The following GCNT4 variants were observed in gnomAD, a reference collection of about 807,000 sequenced individuals.
GCNT4 encodes beta-1,3-galactosyl-O-glycosyl-glycoprotein beta-1,6-N-acetylglucosaminyltransferase 4.
In GCNT4, 17 loss-of-function variants were observed where a neutral mutation model predicts 31.3. That is an observed-to-expected ratio of 0.54 (90% CI 0.37 to 0.81). The LOEUF (loss-of-function observed/expected upper bound fraction) is 0.81, where lower values mean the gene tolerates loss of function less well. Ranked by LOEUF, GCNT4 falls within the 40% of genes least tolerant of loss-of-function variation. The probability of loss-of-function intolerance (pLI) is 0.00; values close to 1 mark genes in which losing one functional copy is unlikely to be tolerated. For synonymous variants in GCNT4, 158 were observed against 190.6 expected, an observed-to-expected ratio of 0.83 and a Z score of 1.41; for missense variants, 503 against 525.5, an observed-to-expected ratio of 0.96 and a Z score of 0.42.
rs1206130701 is a variant in GCNT4, at chr5:75,029,476, T to C, written c.562A>G (p.Ile188Val). The C allele has an allele frequency of 9.3e-6, 15 of 1,614,080 alleles. No homozygotes were observed. Among genetic ancestry groups the C allele is most frequent in the Non-Finnish European group, 1.1e-5 (13 of 1,180,016 alleles). The part of the protein sequence containing the change: ...NLAKCFSNIF[I>V]ASKLEAVEYA... ...TCCACAGCCTCTAATTTGGAAGCAA[T>C]GAAAATATTGGAGAAGCACTTAGCT... Residue 188 changes from isoleucine to valine, a missense_variant, in exon 4 of 4, where the codon ATT becomes GTT. Transcript: ENST00000652361.
At chr5:75,022,110 T>C (rs1348889769), downstream of GCNT4, among the ~76,000 whole-genome samples, 9 of 152,216 alleles carry the variant, frequency 5.9e-5, no homozygotes, top group Non-Finnish European at 1.2e-4. Flanking sequence ...CTTTGTTTTA[T>C]AGAATTACAC....
rs1467862332 is a variant in GCNT4 at position 75,027,094 on chromosome 5, G to A, written c.*1582C>T. The A allele has an allele frequency of 6.6e-6, 1 of 150,920 alleles. No homozygotes were observed. The highest frequency in any genetic ancestry group is 2.4e-5 in the African/African-American group (1 of 41,022). 9.3% of individuals were successfully genotyped at this position (150,920 alleles called of 1,614,324 possible). A position where few individuals can be genotyped will look rare whatever the true frequency, so the allele number is the denominator to read the frequency against. The stretch of plus-strand genomic sequence containing the variant: ...CTACATCTTTAAATATAATATCTGA[G>A]GCTACATTTTTATTTACTGAGGCTG... On this transcript the variant is annotated 3_prime_UTR_variant, in exon 4 of 4. Coordinates refer to ENST00000652361, the MANE Select transcript of GCNT4 (RefSeq NM_001366737.1).
At chr5:75,023,744 G>A (rs571804955), downstream of GCNT4, 1 of 152,250 alleles carries the variant, frequency 6.6e-6, no homozygotes, top group East Asian at 1.9e-4. Context: ...ATGAATATAC[G>A]TGGTTTCTGT....
intron 2 of GCNT4, among the ~76,000 whole-genome samples, chr5:75,051,638 G>A (rs1743570900): frequency 6.6e-6 from 1 of 152,108 alleles, no homozygotes; most frequent in African/African-American, 2.4e-5. Context: ...AGTCAGTTTG[G>A]GAAGCACCTG....
rs750975281 is a variant in GCNT4, at chr5:75,029,779, T to G, written c.259A>C (p.Ser87Arg). Residue 87 changes from serine to arginine, a missense_variant, in exon 4 of 4, where the codon AGT (serine) becomes CGT (arginine). Physicochemically the swap from Ser to Arg is moderately radical, Grantham distance 110. Coordinates refer to ENST00000652361, the MANE Select transcript of GCNT4 (RefSeq NM_001366737.1). ...ATGTCCCTTCTTCTTATTTCCAGAC[T>G]CTTTCCAATTTCCAAAGGCTCCTGT... Reference protein sequence around the residue: ...YEQEPLEIGKSLEIRRRDIID... With the variant: ...YEQEPLEIGKRLEIRRRDIID... 14 of 1,614,156 alleles carry G rather than the reference T, an allele frequency of 8.7e-6. No individual in the cohort carries two copies. The highest frequency in any genetic ancestry group is 1.2e-5 in the Non-Finnish European group (14 of 1,180,010).
chr5:75,046,404 C>G (rs180859218), intron 3 of GCNT4, among the ~76,000 whole-genome samples: 1 of 152,086 alleles, frequency 6.6e-6, no homozygotes, highest in East Asian at 1.9e-4. Flanking sequence ...AAAAAAGGAG[C>G]CTTGGCAACC....
At chr5:75,036,166 A>AAC (rs1554062521) in intron 3 of GCNT4, among the ~76,000 whole-genome samples, 4 of 152,100 alleles carry the variant, frequency 2.6e-5, no homozygotes, top group Middle Eastern at 3.4e-3. Flanking sequence ...AAAAAAAAAA[A>AAC]ACCTGTGTAT....
At chr5:75,032,622 C>G (rs1743090050) in intron 3 of GCNT4, among the ~76,000 whole-genome samples, 1 of 152,234 alleles carries the variant, frequency 6.6e-6, no homozygotes, top group African/African-American at 2.4e-5. Flanking sequence ...GGTTAAGAGA[C>G]TCCTGGTCAG....
intron 2 of GCNT4, among the ~76,000 whole-genome samples, chr5:75,048,319 C>A (rs1210798654): frequency 6.6e-6 from 1 of 152,050 alleles, no homozygotes; most frequent in East Asian, 1.9e-4. Context: ...AGCAGATTAC[C>A]TGGATCTAGT....
intron 3 of GCNT4, among the ~76,000 whole-genome samples, chr5:75,035,501 G>A (rs909167152): frequency 2.0e-5 from 3 of 152,198 alleles, no homozygotes; most frequent in Non-Finnish European, 4.4e-5. Flanking sequence ...GTCCCTGGAC[G>A]AACTCTTAGT....
At chr5:75,033,669 A>T (rs544336032) in intron 3 of GCNT4, among the ~76,000 whole-genome samples, 2,696 of 146,804 alleles carry the variant, frequency 0.018, 51 homozygotes, top group Non-Finnish European at 0.028. Context: ...TTATTTATTT[A>T]TTTATTTTTT....
At chr5:75,044,761 G>T (rs1198722119) in intron 3 of GCNT4, among the ~76,000 whole-genome samples, 2 of 152,026 alleles carry the variant, frequency 1.3e-5, no homozygotes, top group Non-Finnish European at 2.9e-5. Flanking sequence ...CACATCAAAG[G>T]CCTCCACGCT....
chr5:75,032,809 C>T (rs1262839222), intron 3 of GCNT4, among the ~76,000 whole-genome samples: 2 of 150,538 alleles, frequency 1.3e-5, no homozygotes, highest in East Asian at 3.9e-4. Flanking sequence ...ACTCCAGAAG[C>T]CTGGGCACAT....
chr5:75,021,217 C>T (rs1013241061), downstream of GCNT4, among the ~76,000 whole-genome samples: 29 of 152,158 alleles, frequency 1.9e-4, no homozygotes, highest in African/African-American at 6.8e-4. Context: ...TTCGCTGATA[C>T]AAACTTGTCC....
Position 75,043,767 on chromosome 5 carries a change from G to A in GCNT4, c.-2+4130C>T, listed in dbSNP as rs546966267. On this transcript the variant is annotated intron_variant, in intron 3 of 3. Coordinates refer to ENST00000652361, the MANE Select transcript of GCNT4 (RefSeq NM_001366737.1). ...GCAACGTGCACTTTGAAAGATGACC[G>A]TAGGAAAAGGAAATGCTTAACCAAC... Among the ~76,000 whole-genome samples, 14 of 152,284 alleles carry A rather than the reference G, an allele frequency of 9.2e-5. 1 individual carries two copies. Among genetic ancestry groups the A allele is most frequent in the African/African-American group, 2.4e-4 (10 of 41,550 alleles).
chr5:75,034,500 C>T (rs1743154277), intron 3 of GCNT4, among the ~76,000 whole-genome samples: 2 of 152,208 alleles, frequency 1.3e-5, no homozygotes, highest in Admixed American at 1.3e-4. Flanking sequence ...AGCACTGCAC[C>T]CAGCACTTTC....
At chr5:75,047,696 C>T (rs1580247394) in intron 3 of GCNT4, 2 of 152,100 alleles carry the variant, frequency 1.3e-5, no homozygotes, top group East Asian at 3.9e-4. Flanking sequence ...CATGTATGAG[C>T]AACATTTTAG....
In GCNT4 at chr5:75,027,730, G is replaced by C. The variant is rs770043063; in HGVS notation, c.*946C>G. 1.3e-5 allele frequency: 2 copies of C among 152,426 alleles called. No individual in the cohort carries two copies. The highest frequency in any genetic ancestry group is 2.9e-5 in the Non-Finnish European group (2 of 68,006). 9.4% of individuals were successfully genotyped at this position (152,426 alleles called of 1,614,324 possible). A position where few individuals can be genotyped will look rare whatever the true frequency, so the allele number is the denominator to read the frequency against. ...AAGAAAGTTTAGTGACTCTTAGCTTGATAGTTCCATACAACAGAATTATAA... is the reference window on the plus strand; with the variant it reads ...AAGAAAGTTTAGTGACTCTTAGCTTCATAGTTCCATACAACAGAATTATAA... On this transcript the variant is annotated 3_prime_UTR_variant, in exon 4 of 4. Transcript: ENST00000652361.
At chr5:75,039,337 AC>A (rs1416710179) in intron 3 of GCNT4, among the ~76,000 whole-genome samples, 2 of 151,966 alleles carry the variant, frequency 1.3e-5, no homozygotes, top group African/African-American at 4.8e-5. Context: ...CAGGTGATCC[AC>A]TTGCCTCGGC....
Sources: gnomAD v4.1 joint callset for allele counts (sites outside exome capture counted in the v4.1 genomes callset) on GRCh38, gnomAD v4.1.1 for gene constraint, MANE v1.5 for transcripts, NCBI Gene and HGNC (gene_info 2026-07-23, HGNC 2026-07-21) for gene names.